VRK2: variants seen among roughly 807,000 people sequenced by gnomAD.
VRK2 encodes serine/threonine-protein kinase VRK2.
VRK2 carries 60 observed loss-of-function variants against 57.6 expected under a neutral mutation model. The observed-to-expected ratio is 1.04, with a 90% CI of 0.85 to 1.29. The LOEUF (loss-of-function observed/expected upper bound fraction) is 1.29, where lower values mean the gene tolerates loss of function less well. Among genes scored for constraint, VRK2 ranks in the 50% most tolerant of loss-of-function variants. The pLI is 0.00. For synonymous variants in VRK2, 231 were observed against 199.2 expected (o/e 1.16, Z -1.35); for missense variants, 705 against 588.1 (o/e 1.20, Z -2.06).
intron 7 of VRK2, among the ~76,000 whole-genome samples, chr2:58,100,981 A>T (rs554625600): frequency 1.0e-3 from 153 of 151,896 alleles, no homozygotes; most frequent in Middle Eastern, 3.4e-3. Context: ...GCCAAACCAG[A>T]TTAGAGCCAT....
chr2:58,047,101 A>C (rs1052096092), intron 1 of VRK2: 17 of 542,862 alleles, frequency 3.1e-5, no homozygotes, highest in Non-Finnish European at 4.0e-5. Context: ...ACGTTTGCCA[A>C]AAGCGGGTCC....
intron 1 of VRK2, chr2:58,047,435 C>T: frequency 4.1e-6 from 4 of 985,400 alleles, no homozygotes; most frequent in Non-Finnish European, 4.8e-6. Context: ...GCTGTCGTTT[C>T]CCTTGGCAGA....
intron 7 of VRK2, among the ~76,000 whole-genome samples, chr2:58,094,715 CTATT>C (rs1485223491): frequency 1.3e-5 from 2 of 152,098 alleles, no homozygotes; most frequent in Admixed American, 6.5e-5. Context: ...TGTTCCAACA[CTATT>C]TATTTTAAAA....
chr2:57,995,835 T>A (rs1225597864), intron 1 of VRK2, among the ~76,000 whole-genome samples: 1 of 152,244 alleles, frequency 6.6e-6, no homozygotes, highest in African/African-American at 2.4e-5. Context: ...CCTGGATTTA[T>A]GCTAAGGTGC....
intron 1 of VRK2, among the ~76,000 whole-genome samples, chr2:57,945,533 C>A (rs1293301507): frequency 6.6e-6 from 1 of 152,150 alleles, no homozygotes; most frequent in Non-Finnish European, 1.5e-5. Context: ...ATTTTAAATT[C>A]TCATCATGCT....
chr2:58,108,369 C>T (rs1675062008), intron 7 of VRK2, among the ~76,000 whole-genome samples: 1 of 152,128 alleles, frequency 6.6e-6, no homozygotes, highest in South Asian at 2.1e-4. Context: ...TCCATTTCCT[C>T]CTTATGATGC....
chr2:57,986,342 T>C (rs1031602428), intron 1 of VRK2, among the ~76,000 whole-genome samples: 53 of 152,276 alleles, frequency 3.5e-4, no homozygotes, highest in African/African-American at 1.2e-3. Context: ...AGATCTAATA[T>C]AGATTTTGGA....
intron 1 of VRK2, among the ~76,000 whole-genome samples, chr2:58,047,918 A>G (rs1221414594): frequency 6.6e-6 from 1 of 152,260 alleles, no homozygotes; most frequent in Non-Finnish European, 1.5e-5. Context: ...ACATTTACGT[A>G]TATACGTTTT....
intron 1 of VRK2, among the ~76,000 whole-genome samples, chr2:57,908,825 C>T (rs1669904175): frequency 6.6e-6 from 1 of 152,076 alleles, no homozygotes; most frequent in East Asian, 1.9e-4. Context: ...ACGAGTAGAC[C>T]TCATTAGTGA....
intron 1 of VRK2, among the ~76,000 whole-genome samples, chr2:57,944,027 G>A (rs1224932108): frequency 6.6e-6 from 1 of 152,202 alleles, no homozygotes; most frequent in Non-Finnish European, 1.5e-5. Flanking sequence ...TTGGCTCATA[G>A]AGTGTAGTTT....
chr2:57,914,591 T>C (rs1272992264), intron 1 of VRK2, among the ~76,000 whole-genome samples: 1 of 152,076 alleles, frequency 6.6e-6, no homozygotes, highest in African/African-American at 2.4e-5. Flanking sequence ...AAACTTCTTC[T>C]TCATCCAAAT....
intron 1 of VRK2, among the ~76,000 whole-genome samples, chr2:58,007,438 C>A (rs1315672692): frequency 2.0e-5 from 3 of 151,820 alleles, no homozygotes; most frequent in Admixed American, 1.3e-4. Flanking sequence ...GCAAGAATAA[C>A]CTCTCCTTTT....
At chr2:58,150,099 A>T (rs1315150156) in intron 12 of VRK2, among the ~76,000 whole-genome samples, 3 of 149,660 alleles carry the variant, frequency 2.0e-5, no homozygotes, top group Non-Finnish European at 4.5e-5. Flanking sequence ...CTTTTGTCGT[A>T]ATATCCTTGT....
chr2:58,066,111 C>A (rs1428253675), intron 2 of VRK2, among the ~76,000 whole-genome samples: 1 of 152,172 alleles, frequency 6.6e-6, no homozygotes, highest in African/African-American at 2.4e-5. Flanking sequence ...TTCTTAACTT[C>A]CTGCGCTGGC....
chr2:57,931,977 T>C (rs1343908578), intron 1 of VRK2, among the ~76,000 whole-genome samples: 2 of 152,156 alleles, frequency 1.3e-5, no homozygotes, highest in Non-Finnish European at 2.9e-5. Context: ...CATTGATCTA[T>C]ACGTCTGTTT....
rs71394403 is a variant in VRK2 at position 57,933,309 on chromosome 2, C to CTTTTTTTTTTTTTTTTTTTTTT, written c.-439+25471_-439+25492dup. Among the ~76,000 whole-genome samples the CTTTTTTTTTTTTTTTTTTTTTT allele has an allele frequency of 6.5e-4, 41 of 63,302 alleles. 6 individuals carry two copies. Among genetic ancestry groups the CTTTTTTTTTTTTTTTTTTTTTT allele is most frequent in the African/African-American group, 2.2e-3 (29 of 13,078 alleles). 41.5% of individuals were successfully genotyped at this position (63,302 alleles called of 152,430 possible). On this transcript the variant is annotated intron_variant, in intron 1 of 15. Coordinates refer to the VRK2 transcript ENST00000417641. ...TGCTATTTCTTATTTCTTTCTTTTT[C>CTTTTTTTTTTTTTTTTTTTTTT]TTTTTTTTTTTTTTTTTTTTTTGAG...
chr2:57,962,262 C>G (rs1427493813), intron 1 of VRK2, among the ~76,000 whole-genome samples: 3 of 152,040 alleles, frequency 2.0e-5, no homozygotes, highest in Non-Finnish European at 4.4e-5. Flanking sequence ...TTTTCCTTTT[C>G]AAATTCAGAA....
rs565075793 is a variant in VRK2, at chr2:58,037,282, C to T, written c.-6+3729C>T. Among the ~76,000 whole-genome samples, 4 of 152,102 alleles carry T rather than the reference C, an allele frequency of 2.6e-5. No homozygotes were observed. In the East Asian group the frequency reaches 5.8e-4, roughly 22 times the overall value. ...ACGGTCGCAGGTGTTTCATGACTTC[C>T]GTGCTACACAGCCAAGGTCTATAAT... On this transcript the variant is annotated intron_variant, in intron 3 of 15. Transcript: ENST00000417641.
At chr2:58,034,768 G>GT (rs149760514) in intron 3 of VRK2, among the ~76,000 whole-genome samples, 16,403 of 149,420 alleles carry the variant, frequency 0.11, 1,003 homozygotes, top group African/African-American at 0.16. Flanking sequence ...GGTTCCAGAG[G>GT]TTTTTTTTAA....
Sources: gnomAD v4.1 joint callset for allele counts (sites outside exome capture counted in the v4.1 genomes callset) on GRCh38, gnomAD v4.1.1 for gene constraint, MANE v1.5 for transcripts, NCBI Gene and HGNC (gene_info 2026-07-23, HGNC 2026-07-21) for gene names.